KCNQ1: variants seen among roughly 807,000 people sequenced by gnomAD.
KCNQ1 encodes potassium voltage-gated channel subfamily Q member 1.
Under a neutral mutation model 72.4 loss-of-function variants are expected in KCNQ1, and 49 were observed. The ratio of observed to expected loss-of-function variants is 0.68; its 90% CI spans 0.54 to 0.86. The LOEUF is 0.86. Among genes scored for constraint, KCNQ1 ranks in the 40% least tolerant of loss-of-function variants. The pLI is 0.00. For missense variants in KCNQ1, 790 were observed against 945.1 expected (o/e 0.84, Z 2.15); for synonymous variants, 450 against 412.6 (o/e 1.09, Z -1.10).
chr11:2,534,049 C>G (rs543627395), intron 2 of KCNQ1, among the ~76,000 whole-genome samples: 48 of 152,270 alleles, frequency 3.2e-4, no homozygotes, highest in South Asian at 1.7e-3. Context: ...GCTGCAGCCT[C>G]CACTGCCTGG....
intron 15 of KCNQ1, among the ~76,000 whole-genome samples, chr11:2,793,932 G>C (rs1433049255): frequency 1.3e-5 from 2 of 152,202 alleles, no homozygotes; most frequent in Non-Finnish European, 2.9e-5. Context: ...CAGGAGCCCA[G>C]AGCCAACCAG....
intron 1 of KCNQ1, among the ~76,000 whole-genome samples, chr11:2,511,643 A>G (rs1250670743): frequency 6.6e-6 from 1 of 152,186 alleles, no homozygotes; most frequent in African/African-American, 2.4e-5. Flanking sequence ...AAAACTGCTA[A>G]ATGCATCTGT....
Position 2,475,239 on chromosome 11 carries a change from C to T in KCNQ1, c.386+29755C>T, listed in dbSNP as rs544753457. On this transcript the variant is annotated intron_variant, in intron 1 of 15. Coordinates refer to ENST00000155840, the MANE Select transcript of KCNQ1 (RefSeq NM_000218.3). This position sits in a 1 kb window ranked among gnomAD's most constrained non-coding sequence, Gnocchi z 5.8. Reference sequence around the variant, plus strand: ...TTCATGTGCCTGAAATCATGGCAAACGTGGCCCTGTGTGTCTGGTTTCCTT... The same window carrying T: ...TTCATGTGCCTGAAATCATGGCAAATGTGGCCCTGTGTGTCTGGTTTCCTT... Among the ~76,000 whole-genome samples, 11 of 152,172 alleles carry T rather than the reference C, an allele frequency of 7.2e-5. No homozygotes were observed. Among genetic ancestry groups the T allele is most frequent in the Admixed American group, 2.0e-4 (3 of 15,278 alleles).
At chr11:2,761,209 C>T (rs1846387970) in intron 11 of KCNQ1, among the ~76,000 whole-genome samples, 1 of 152,000 alleles carries the variant, frequency 6.6e-6, no homozygotes, top group South Asian at 2.1e-4. Context: ...CCTGGGCTCT[C>T]CTGCGTCCAC....
chr11:2,493,101 T>C lies in KCNQ1; in HGVS notation c.387-34827T>C, dbSNP rs900959216. ...GTGGTTTTGATTTGCATTTCTCTGA[T>C]GACCAGTAATGATTAGCTTTTTTTT... On this transcript the variant is annotated intron_variant, in intron 1 of 15. Coordinates refer to ENST00000155840, the MANE Select transcript of KCNQ1 (RefSeq NM_000218.3). This position sits in a 1 kb window ranked among gnomAD's most constrained non-coding sequence, Gnocchi z 5.3. Among the ~76,000 whole-genome samples the C allele has an allele frequency of 1.3e-5, 2 of 152,264 alleles. No individual in the cohort carries two copies. Among genetic ancestry groups the C allele is most frequent in the African/African-American group, 2.4e-5 (1 of 41,476 alleles).
In KCNQ1 at chr11:2,509,298, C is replaced by T. The variant is rs1202425368; in HGVS notation, c.387-18630C>T. On this transcript the variant is annotated intron_variant, in intron 1 of 15. Transcript: ENST00000155840. The surrounding 1 kb of genome is among the most constrained non-coding windows in gnomAD (Gnocchi z 6.3). The stretch of plus-strand genomic sequence containing the variant: ...GTAGGGTCTGGTAGGATCCCAGGGC[C>T]CCTTCCCTTGGCATCATCATTGTTT... Among the ~76,000 whole-genome samples the T allele has an allele frequency of 6.6e-6, 1 of 152,076 alleles. No individual in the cohort carries two copies. Among genetic ancestry groups the T allele is most frequent in the Non-Finnish European group, 1.5e-5 (1 of 68,028 alleles).
intron 6 of KCNQ1, among the ~76,000 whole-genome samples, chr11:2,574,922 C>T (rs151184976): frequency 3.3e-5 from 5 of 152,196 alleles, no homozygotes; most frequent in Non-Finnish European, 7.4e-5. Flanking sequence ...GCCCAGCCCC[C>T]CTGCGGGAGC....
At chr11:2,835,259 C>T (rs1848036231) in intron 15 of KCNQ1, among the ~76,000 whole-genome samples, 1 of 152,144 alleles carries the variant, frequency 6.6e-6, no homozygotes, top group Non-Finnish European at 1.5e-5. Context: ...GCCAGTGGCA[C>T]CTGGCTGTTG....
At position 2,766,892 on chromosome 11, in the gene KCNQ1, C is replaced by A. The variant is rs566723357; in HGVS notation, c.1515-1952C>A. On this transcript the variant is annotated intron_variant, in intron 11 of 15. Coordinates refer to ENST00000155840, the MANE Select transcript of KCNQ1 (RefSeq NM_000218.3). This position sits in a 1 kb window ranked among gnomAD's most constrained non-coding sequence, Gnocchi z 4.4. ...TAAATTTAGTGGCTTCAAATATTTT[C>A]TTTGGGCCGGGCATGGTGGCTCATG... Among the ~76,000 whole-genome samples, 146 of 152,274 alleles carry A rather than the reference C, an allele frequency of 9.6e-4. No homozygotes were observed. Among genetic ancestry groups the A allele is most frequent in the African/African-American group, 3.1e-3 (129 of 41,554 alleles).
In KCNQ1 at chr11:2,462,939, G is replaced by A. The variant is rs1395532766; in HGVS notation, c.386+17455G>A. On this transcript the variant is annotated intron_variant, in intron 1 of 15. Transcript: ENST00000155840. This position sits in a 1 kb window ranked among gnomAD's most constrained non-coding sequence, Gnocchi z 8.2. ...CCCGTGAGCTGAGCAGACAGGGAGG[G>A]TCTTGGGGGAAGGCTGTGGGCCCTT... Among the ~76,000 whole-genome samples the A allele has an allele frequency of 6.6e-6, 1 of 152,210 alleles. No individual in the cohort carries two copies. Among genetic ancestry groups the A allele is most frequent in the African/African-American group, 2.4e-5 (1 of 41,444 alleles).
chr11:2,742,389 CTG>C (rs1846070324), intron 11 of KCNQ1, among the ~76,000 whole-genome samples: 1 of 152,236 alleles, frequency 6.6e-6, no homozygotes, highest in Non-Finnish European at 1.5e-5. Context: ...CATTTGCAGT[CTG>C]TCTCATACTC....
At chr11:2,615,849 G>C in intron 10 of KCNQ1, 1 of 397,946 alleles carries the variant, frequency 2.5e-6, no homozygotes, top group Non-Finnish European at 4.4e-6. Context: ...TATTTGTCTG[G>C]CTTTGGAATC....
rs886923287 is a variant in KCNQ1 at position 2,677,621 on chromosome 11, G to A, written c.1514+15540G>A. ...CTCTGGATTTGTTTTTTTCTAAAAC[G>A]TGTACATAATTGTAACTCTAACAAC... On this transcript the variant is annotated intron_variant, in intron 11 of 15. Transcript: ENST00000155840. This position sits in a 1 kb window ranked among gnomAD's most constrained non-coding sequence, Gnocchi z 4.5. 4.5e-5 allele frequency: 18 copies of A among 398,378 alleles called. No homozygotes were observed. Among genetic ancestry groups the A allele is most frequent in the African/African-American group, 1.2e-4 (6 of 48,654 alleles). The allele number at this position is 398,378 out of a possible 1,614,324, so 24.7% of individuals were successfully genotyped here.
intron 1 of KCNQ1, among the ~76,000 whole-genome samples, chr11:2,487,385 G>A (rs1846757393): frequency 6.6e-6 from 1 of 152,138 alleles, no homozygotes; most frequent in African/African-American, 2.4e-5. Context: ...ATGAATTTTA[G>A]GATGGGTTTT....
chr11:2,488,910 AG>A lies in KCNQ1; in HGVS notation c.387-39017del, dbSNP rs1348254950. On this transcript the variant is annotated intron_variant, in intron 1 of 15. Coordinates refer to ENST00000155840, the MANE Select transcript of KCNQ1 (RefSeq NM_000218.3). The surrounding 1 kb of genome is among the most constrained non-coding windows in gnomAD (Gnocchi z 5.1). The stretch of plus-strand genomic sequence containing the variant: ...TAGCTTTGGGTTTAGTTCTTTTGCT[AG>A]TTCCTTAAGTGGTAAAGTTAGGTTA... Among the ~76,000 whole-genome samples, 6 of 152,062 alleles carry A rather than the reference AG, an allele frequency of 3.9e-5. No homozygotes were observed. Among genetic ancestry groups the A allele is most frequent in the African/African-American group, 1.5e-4 (6 of 41,372 alleles).
At chr11:2,472,590 C>T (rs1426784367) in intron 1 of KCNQ1, among the ~76,000 whole-genome samples, 1 of 152,076 alleles carries the variant, frequency 6.6e-6, no homozygotes, top group Non-Finnish European at 1.5e-5. Flanking sequence ...CTGAAAAAAG[C>T]AAGGCAGAGC....
In KCNQ1 at chr11:2,652,422, T is replaced by C. The variant is rs942032691; in HGVS notation, c.1394-9539T>C. On this transcript the variant is annotated intron_variant, in intron 10 of 15. Coordinates refer to ENST00000155840, the MANE Select transcript of KCNQ1 (RefSeq NM_000218.3). This position sits in a 1 kb window ranked among gnomAD's most constrained non-coding sequence, Gnocchi z 5.9. ...TTTTTCTTCCTGTGTAATTTTGTCT[T>C]GAAAATCAAGGCCACTTTTTTGTTT... 3 of 398,530 alleles carry C rather than the reference T, an allele frequency of 7.5e-6. No homozygotes were observed. Among genetic ancestry groups the C allele is most frequent in the African/African-American group, 6.2e-5 (3 of 48,630 alleles). The allele number at this position is 398,530 out of a possible 1,614,324, so 24.7% of individuals were successfully genotyped here.
At chr11:2,662,118 G>C in intron 11 of KCNQ1, 37 bp downstream of exon 11, 2 of 1,613,650 alleles carry the variant, frequency 1.2e-6, no homozygotes, top group Non-Finnish European at 1.7e-6. Context: ...CTGGGCTGGA[G>C]GGGACTGGAG....
At chr11:2,821,964 G>T (rs1283065271) in intron 15 of KCNQ1, among the ~76,000 whole-genome samples, 1 of 152,154 alleles carries the variant, frequency 6.6e-6, no homozygotes, top group Non-Finnish European at 1.5e-5. Flanking sequence ...ATCCAGAGAT[G>T]GGGAGATGAT....
Sources: gnomAD v4.1 joint callset for allele counts (sites outside exome capture counted in the v4.1 genomes callset) on GRCh38, gnomAD v4.1.1 for gene constraint, Gnocchi (gnomAD v3.1) non-coding constraint, MANE v1.5 for transcripts, NCBI Gene and HGNC (gene_info 2026-07-23, HGNC 2026-07-21) for gene names.